MATK: variants seen among roughly 807,000 people sequenced by gnomAD.
MATK encodes megakaryocyte-associated tyrosine-protein kinase.
A neutral mutation model predicts 59.8 loss-of-function variants in MATK; 41 were observed. That is an observed-to-expected ratio of 0.69 (90% CI 0.53 to 0.89). MATK has a LOEUF of 0.89. Among genes scored for constraint, MATK ranks in the 40% least tolerant of loss-of-function variants. The pLI is 0.00. For missense variants in MATK, 593 were observed against 719.6 expected (o/e 0.82, Z 2.01); for synonymous variants, 308 against 306.1 (o/e 1.01, Z -0.06).
At position 3,779,086 on chromosome 19, in the gene MATK, A is replaced by T; in HGVS notation, c.1103T>A (p.Val368Asp). The T allele has an allele frequency of 1.2e-6, 2 of 1,609,800 alleles. No individual in the cohort carries two copies. Among genetic ancestry groups the T allele is most frequent in the Non-Finnish European group, 1.7e-6 (2 of 1,179,364 alleles). Residue 368 changes from valine to aspartate, a missense_variant, in exon 12 of 14, where the codon GTC (valine) becomes GAC (aspartate). Transcript: ENST00000310132. Reference sequence around the variant, plus strand: ...GGCTTTGGCCAGGCCAAAGTCGCTGACCTTGGCCACCAGGTCCTCTGAGAC... The same window carrying T: ...GGCTTTGGCCAGGCCAAAGTCGCTGTCCTTGGCCACCAGGTCCTCTGAGAC... ...ILVSEDLVAK[V>D]SDFGLAKAER...
At chr19:3,795,811 G>C (rs1305179532) in intron 1 of MATK, among the ~76,000 whole-genome samples, 7 of 141,326 alleles carry the variant, frequency 5.0e-5, no homozygotes, top group Non-Finnish European at 1.1e-4. Context: ...GTCCAGGCTG[G>C]AGTGCAGAGG....
chr19:3,779,409 C>G lies in MATK; in HGVS notation c.970G>C (p.Val324Leu), dbSNP rs374133861. 1.9e-6 allele frequency: 3 copies of G among 1,613,166 alleles called. No individual in the cohort carries two copies. Among genetic ancestry groups the G allele is most frequent in the African/African-American group, 2.7e-5 (2 of 74,948 alleles). ...NFLRTRGRAL[V>L]NTAQLLQFSL... ...AACTGCAGGAGCTGAGCGGTGTTCA[C>G]GAGGGCTCGACCCCGGGTCCGCAGA... The change falls in exon 11 of 14, where the codon GTG becomes CTG. Residue 324 changes from valine (V) to leucine (L), a missense_variant. Physicochemically the swap from Val to Leu is conservative, Grantham distance 32 (BLOSUM62 1). Coordinates refer to ENST00000310132, the MANE Select transcript of MATK (RefSeq NM_139355.3).
chr19:3,797,751 G>T (rs991819787), intron 1 of MATK, among the ~76,000 whole-genome samples: 6 of 151,896 alleles, frequency 4.0e-5, no homozygotes, highest in African/African-American at 1.5e-4. Flanking sequence ...ATAAATAAAA[G>T]AATTTCTTGG....
rs1341137244 is a variant in MATK, at chr19:3,784,026, G to A, written c.370C>T (p.His124Tyr). Residue 124 changes from histidine (H) to tyrosine (Y), a missense_variant, in exon 6 of 14, where the codon CAC becomes TAC. By Grantham distance (83) the His-to-Tyr change is moderately conservative. Transcript: ENST00000310132. ...GCCTCCTGGCCCGAGATCTTCCCGT[G>A]GAACCACCTGCGGCCACGGAAGGGG... is the stretch of plus-strand genomic sequence containing the variant. ...DPKLSLMPWF[H>Y]GKISGQEAVQ... is the part of the protein sequence containing the mutation. The A allele has an allele frequency of 1.9e-6, 3 of 1,604,678 alleles. No homozygotes were observed. The Admixed American group carries it at 5.1e-5, about 27-fold the overall frequency.
rs150559525 is a variant in MATK at position 3,783,934 on chromosome 19, G to A, written c.462C>T (p.Gly154=). 1.6e-4 allele frequency: 256 copies of A among 1,612,552 alleles called. No homozygotes were observed. The highest frequency in any genetic ancestry group is 2.1e-4 in the Non-Finnish European group (248 of 1,179,812). Residue 154 remains glycine (G), a synonymous_variant, in exon 6 of 14, where the codon GGC becomes GGT. Transcript: ENST00000310132. ...CAAAGCTCACGCACAGGACGTAGTC[G>A]CCGGGGTGGCGCGCGGACTCCCGCA... ...FLVRESARHP[G]DYVLCVSFGR... is the part of the protein sequence containing the mutation.
At chr19:3,797,459 C>T (rs2037606428) in intron 1 of MATK, among the ~76,000 whole-genome samples, 1 of 151,290 alleles carries the variant, frequency 6.6e-6, no homozygotes, top group African/African-American at 2.4e-5. Flanking sequence ...ACCATGCTGG[C>T]TAATTTTTTT....
At chr19:3,780,875 A>C (rs1357213806) in intron 8 of MATK, among the ~76,000 whole-genome samples, 1 of 151,744 alleles carries the variant, frequency 6.6e-6, no homozygotes, top group African/African-American at 2.4e-5. Context: ...AGCTGGGACT[A>C]CAGGCATGCT....
chr19:3,781,375 G>A (rs2037399457), intron 8 of MATK, among the ~76,000 whole-genome samples: 1 of 152,186 alleles, frequency 6.6e-6, no homozygotes, highest in South Asian at 2.1e-4. Context: ...CTGGCAGTGT[G>A]AAGAAGTCAC....
intron 1 of MATK, among the ~76,000 whole-genome samples, chr19:3,792,844 G>C (rs75003848): frequency 0.018 from 2,745 of 152,266 alleles, 87 homozygotes; most frequent in African/African-American, 0.063. Flanking sequence ...TGAACCTGGA[G>C]GACAGGCCGG....
In MATK at chr19:3,779,921, G is replaced by T. The variant is rs528699150; in HGVS notation, c.743-124C>A. ...ACATTCACACAGCTGCGGGTCCCCA[G>T]ACCTTGAAACACAGACCCCATGCTC... On this transcript the variant is annotated intron_variant, in intron 8 of 13. Coordinates refer to ENST00000310132, the MANE Select transcript of MATK (RefSeq NM_139355.3). 14 of 684,876 alleles carry T rather than the reference G, an allele frequency of 2.0e-5. No individual in the cohort carries two copies. The African/African-American group carries it at 2.3e-4, about 11-fold the overall frequency. 42.4% of individuals were successfully genotyped at this position (684,876 alleles called of 1,614,324 possible).
At chr19:3,784,620 G>A in intron 3 of MATK, 169 bp from the exon 4 acceptor site, 1 of 651,472 alleles carries the variant, frequency 1.5e-6, no homozygotes, top group South Asian at 1.8e-5. Flanking sequence ...GGGGAGTGGG[G>A]TGCTCAGAGA....
upstream of MATK, chr19:3,787,346 G>T (rs2037497042): frequency 6.7e-6 from 1 of 149,906 alleles, no homozygotes; most frequent in East Asian, 2.0e-4. Context: ...TGAGTTCCCT[G>T]TCCTGGGAGG....
intron 1 of MATK, among the ~76,000 whole-genome samples, chr19:3,798,626 C>T: frequency 6.6e-6 from 1 of 152,144 alleles, no homozygotes; most frequent in Non-Finnish European, 1.5e-5. Flanking sequence ...GATTCTCCTG[C>T]CTCAGCCTCC....
At chr19:3,795,751 CTTTTTTTTTTTT>C (rs530367941) in intron 1 of MATK, among the ~76,000 whole-genome samples, 13 of 54,784 alleles carry the variant, frequency 2.4e-4, no homozygotes, top group African/African-American at 6.4e-4. Flanking sequence ...TAAGTAGGTG[CTTTTTTTTTTTT>C]TTTTTTTTTT....
At chr19:3,798,358 G>A (rs542922158) in intron 1 of MATK, among the ~76,000 whole-genome samples, 1 of 151,960 alleles carries the variant, frequency 6.6e-6, no homozygotes, top group African/African-American at 2.4e-5. Flanking sequence ...GCCTCACTGT[G>A]GGGTGGTTGG....
At chr19:3,793,923 A>C (rs1192273240) in intron 1 of MATK, among the ~76,000 whole-genome samples, 3 of 152,134 alleles carry the variant, frequency 2.0e-5, no homozygotes, top group African/African-American at 7.2e-5. Context: ...CACTAAGCTC[A>C]GTGTGCCTCC....
In MATK at chr19:3,784,203, C is replaced by T; in HGVS notation, c.283G>A (p.Gly95Arg). 6.2e-7 allele frequency: 1 copy of T among 1,613,690 alleles called. No individual in the cohort carries two copies. Among genetic ancestry groups the T allele is most frequent in the Non-Finnish European group, 8.5e-7 (1 of 1,179,810 alleles). The change falls in exon 5 of 14, where the codon GGA becomes AGA. Residue 95 changes from glycine (G) to arginine (R), a missense_variant. Physicochemically the swap from Gly to Arg is moderately radical, Grantham distance 125 (BLOSUM62 -2). Transcript: ENST00000310132. ...CCAGCTGCCAGCAGCCCCTCCTGTC[C>T]ACTGGTGTGGTGCTTGACGCGGTAC... Reference protein sequence around the residue: ...SWYRVKHHTSGQEGLLAAGAL... With the variant: ...SWYRVKHHTSRQEGLLAAGAL...
In MATK at chr19:3,786,070, T is replaced by G. The variant is rs2037479186; in HGVS notation, c.-152+99A>C. The G allele has an allele frequency of 2.3e-6, 1 of 434,334 alleles. No homozygotes were observed. The highest frequency in any genetic ancestry group is 3.1e-6 in the Non-Finnish European group (1 of 326,230). The allele number at this position is 434,334 out of a possible 1,614,324, so 26.9% of individuals were successfully genotyped here. On this transcript the variant is annotated intron_variant, in intron 1 of 13. Transcript: ENST00000310132. This position sits in a 1 kb window ranked among gnomAD's most constrained non-coding sequence, Gnocchi z 4.1. Reference sequence around the variant, plus strand: ...GCACACTCGCGCACACACCGGCCCTTCCTGCGCACGTCCCGGGCCCACCCC... The same window carrying G: ...GCACACTCGCGCACACACCGGCCCTGCCTGCGCACGTCCCGGGCCCACCCC...
chr19:3,795,279 T>TTA (rs1273825840), intron 1 of MATK, among the ~76,000 whole-genome samples: 1 of 149,766 alleles, frequency 6.7e-6, no homozygotes, highest in Non-Finnish European at 1.5e-5. Flanking sequence ...GCCTGGCCTT[T>TTA]TTTTTTTTTT....
Sources: gnomAD v4.1 joint callset for allele counts (sites outside exome capture counted in the v4.1 genomes callset) on GRCh38, gnomAD v4.1.1 for gene constraint, Gnocchi (gnomAD v3.1) non-coding constraint, MANE v1.5 for transcripts, NCBI Gene and HGNC (gene_info 2026-07-23, HGNC 2026-07-21) for gene names.